Variants in ALG12 observed in about 807,000 individuals in gnomAD.
ALG12 encodes the protein ALG12 alpha-1,6-mannosyltransferase.
In ALG12, 36 loss-of-function variants were observed where a neutral mutation model predicts 46.0. That is an observed-to-expected ratio of 0.78 (90% CI 0.60 to 1.03). The LOEUF (loss-of-function observed/expected upper bound fraction) is 1.03. ALG12 is among the 50% of genes least tolerant of loss of function. ALG12 has a pLI of 0.00. For missense variants in ALG12, 599 were observed against 633.5 expected (o/e 0.95, Z 0.58); for synonymous variants, 326 against 291.6 (o/e 1.12, Z -1.20).
the ALG12 span, chr22:49,885,373 T>C: frequency 6.3e-7 from 1 of 1,592,422 alleles, no homozygotes; most frequent in Non-Finnish European, 8.6e-7. Flanking sequence ...TTCTATTTGC[T>C]CCGCAGACTC....
chr22:49,878,358 A>G, the ALG12 span, among the ~76,000 whole-genome samples: 4 of 151,716 alleles, frequency 2.6e-5, no homozygotes, highest in African/African-American at 9.7e-5. Context: ...CTCAAGAGTA[A>G]TAATAACTGG....
chr22:49,867,390 G>C, the ALG12 span, among the ~76,000 whole-genome samples: 1 of 152,128 alleles, frequency 6.6e-6, no homozygotes, highest in African/African-American at 2.4e-5. Context: ...CGGTTGGGGA[G>C]GCACTGCGGT....
chr22:49,859,773 C>A, the ALG12 span, among the ~76,000 whole-genome samples: 1 of 152,216 alleles, frequency 6.6e-6, no homozygotes, highest in Non-Finnish European at 1.5e-5. Context: ...CACCTGTAAT[C>A]TCAGCACTTT....
the ALG12 span, chr22:49,889,282 TCA>T: frequency 1.2e-5 from 2 of 167,196 alleles, no homozygotes; most frequent in African/African-American, 4.8e-5. Flanking sequence ...TGGAATACAG[TCA>T]CAGCTGTTTT....
chr22:49,881,954 A>G, the ALG12 span, among the ~76,000 whole-genome samples: 1 of 152,186 alleles, frequency 6.6e-6, no homozygotes, highest in East Asian at 1.9e-4. Flanking sequence ...TAACCTTGGA[A>G]CACTTTTTAG....
chr22:49,899,126 C>CA (rs1471434359), downstream of ALG12, among the ~76,000 whole-genome samples: 10 of 152,036 alleles, frequency 6.6e-5, no homozygotes, highest in South Asian at 1.9e-3. Context: ...CCCATTTCTA[C>CA]AAAAAATACC....
the ALG12 span, among the ~76,000 whole-genome samples, chr22:49,876,390 T>A: frequency 2.0e-5 from 3 of 152,236 alleles, no homozygotes; most frequent in African/African-American, 7.2e-5. Context: ...CCATCCGTGA[T>A]GGTGACTTAC....
At chr22:49,904,305 A>G (rs771577896) in intron 8 of ALG12, 32 bp downstream of exon 8, 27 of 1,614,054 alleles carry the variant, frequency 1.7e-5, no homozygotes, top group Non-Finnish European at 1.5e-5. Flanking sequence ...TCGGAGCCAC[A>G]GCAGTCCCCA....
chr22:49,917,226 G>A (rs946646281), intron 1 of ALG12, among the ~76,000 whole-genome samples: 1 of 152,240 alleles, frequency 6.6e-6, no homozygotes, highest in Non-Finnish European at 1.5e-5. Context: ...TCTAAGTGAC[G>A]GGTGCTTCGA....
At chr22:49,915,625 G>T (rs1225966413) in intron 1 of ALG12, among the ~76,000 whole-genome samples, 1 of 152,120 alleles carries the variant, frequency 6.6e-6, no homozygotes, top group African/African-American at 2.4e-5. Flanking sequence ...GAGAAAGGTC[G>T]AAGGACTAGG....
chr22:49,899,699 C>T (rs566810947), downstream of ALG12, among the ~76,000 whole-genome samples: 4 of 152,190 alleles, frequency 2.6e-5, no homozygotes, highest in South Asian at 8.3e-4. Flanking sequence ...AAAGTACAAA[C>T]GCACTCAGTT....
At chr22:49,884,976 T>C in the ALG12 span, 1 of 1,613,544 alleles carries the variant, frequency 6.2e-7, no homozygotes, top group Non-Finnish European at 8.5e-7. Context: ...GGCTGAGTCC[T>C]AGATTGTTTG....
chr22:49,913,718 C>G lies in ALG12; in HGVS notation c.48G>C (p.Leu16=), dbSNP rs143508665. 6.6e-4 allele frequency: 1,061 copies of G among 1,613,564 alleles called. 6 individuals are homozygous for G. The African/African-American group carries it at 0.011, about 17-fold the overall frequency. The change falls in exon 2 of 10, where the codon CTG becomes CTC. Residue 16 remains leucine, a synonymous_variant. Coordinates refer to ENST00000330817, the MANE Select transcript of ALG12 (RefSeq NM_024105.4). ...SSGRRPLLLG[L]LVAVATVHLV... ...GGTGGACAGTGGCTACGGCCACCAG[C>G]AGCCCCAGCAGCAGGGGCCGCCTGC...
Position 49,913,488 on chromosome 22 carries a change from G to A in ALG12, c.192C>T (p.Val64=). 6.2e-7 allele frequency: 1 copy of A among 1,614,020 alleles called. No homozygotes were observed. The highest frequency in any genetic ancestry group is 8.5e-7 in the Non-Finnish European group (1 of 1,180,044). ...QYDHLEFPGV[V]PRTFLGPVVI... ...CCACTGGCCCGAGGAACGTCCTGGG[G>A]ACGACTCCGGGGAACTCAAGATGGT... The change falls in exon 3 of 10, where the codon GTC becomes GTT. Residue 64 remains valine (V), a synonymous_variant. Coordinates refer to ENST00000330817, the MANE Select transcript of ALG12 (RefSeq NM_024105.4).
downstream of ALG12, among the ~76,000 whole-genome samples, chr22:49,895,633 C>G (rs1350375974): frequency 3.4e-5 from 5 of 147,930 alleles, no homozygotes; most frequent in Non-Finnish European, 7.4e-5. Flanking sequence ...GCCTGGACAA[C>G]AGAGCGAGAC....
the ALG12 span, chr22:49,885,306 C>T: frequency 6.3e-7 from 1 of 1,593,768 alleles, no homozygotes; most frequent in Non-Finnish European, 8.6e-7. Flanking sequence ...TCACAAAAAA[C>T]AATCAAGTTA....
intron 1 of ALG12, among the ~76,000 whole-genome samples, chr22:49,917,298 A>G (rs565841013): frequency 6.6e-6 from 1 of 152,342 alleles, no homozygotes; most frequent in East Asian, 1.9e-4. Context: ...TTTACAGAAC[A>G]ATGGCATCTC....
chr22:49,886,920 T>C, the ALG12 span: 1 of 1,614,020 alleles, frequency 6.2e-7, no homozygotes, highest in East Asian at 2.2e-5. This position sits in a 1 kb window ranked among gnomAD's most constrained non-coding sequence, Gnocchi z 7.7. Flanking sequence ...CCATGGTGCT[T>C]GCGTATCTGG....
intron 3 of ALG12, among the ~76,000 whole-genome samples, chr22:49,911,922 T>G (rs1479254967): frequency 6.6e-6 from 1 of 152,086 alleles, no homozygotes; most frequent in East Asian, 1.9e-4. Context: ...TCTTCCCAAA[T>G]GCCCAACAAT....
Sources: gnomAD v4.1 joint callset for allele counts (sites outside exome capture counted in the v4.1 genomes callset) on GRCh38, gnomAD v4.1.1 for gene constraint, Gnocchi (gnomAD v3.1) non-coding constraint, MANE v1.5 for transcripts, NCBI Gene and HGNC (gene_info 2026-07-23, HGNC 2026-07-21) for gene names.